AMHR2: variants seen among roughly 807,000 people sequenced by gnomAD.
AMHR2 encodes the protein anti-Mullerian hormone receptor type 2, also known as anti-Muellerian hormone type-2 receptor.
In AMHR2, 36 loss-of-function variants were observed where a neutral mutation model predicts 61.4. The ratio of observed to expected loss-of-function variants is 0.59; its 90% confidence interval spans 0.45 to 0.77. The LOEUF (loss-of-function observed/expected upper bound fraction) is 0.77. Ranked by LOEUF, AMHR2 falls within the 30% of genes least tolerant of loss-of-function variation. The pLI, the probability that AMHR2 is intolerant of heterozygous loss-of-function variation, is 0.00. For missense variants in AMHR2, 638 were observed against 714.6 expected, an observed-to-expected ratio of 0.89 and a Z score of 1.22; for synonymous variants, 258 against 279.4, an observed-to-expected ratio of 0.92 and a Z score of 0.76.
chr12:53,430,958 G>A, intron 10 of AMHR2: 1 of 611,996 alleles, frequency 1.6e-6, no homozygotes, highest in Non-Finnish European at 2.9e-6. Flanking sequence ...GCTCCTCAGA[G>A]GAAACAGTGG....
At chr12:53,424,231 T>C in intron 1 of AMHR2, 57 bp from the exon 2 acceptor site, 1 of 1,605,932 alleles carries the variant, frequency 6.2e-7, no homozygotes. Context: ...GGCCAGTTTT[T>C]TGCCTCTGCA....
intron 6 of AMHR2, among the ~76,000 whole-genome samples, chr12:53,428,019 A>G (rs2136959882): frequency 6.6e-6 from 1 of 152,204 alleles, no homozygotes; most frequent in East Asian, 1.9e-4. Context: ...CAGCTTCTGT[A>G]CTTCTGAAAT....
intron 7 of AMHR2, 122 bp downstream of exon 7, chr12:53,429,132 C>A: frequency 4.2e-6 from 4 of 953,692 alleles, no homozygotes; most frequent in Non-Finnish European, 6.5e-6. Flanking sequence ...GTGGCTCACG[C>A]CTATAATCCC....
rs953064877 is a variant in AMHR2, at chr12:53,424,160, T to A, written c.50-128T>A. The A allele has an allele frequency of 2.9e-6, 4 of 1,397,832 alleles. No homozygotes were observed. In the African/African-American group the frequency reaches 5.7e-5, roughly 20 times the overall value. The allele number at this position is 1,397,832 out of a possible 1,614,324, so 86.6% of individuals were successfully genotyped here. On this transcript the variant is annotated intron_variant, in intron 1 of 10. Transcript: ENST00000257863. ...GGTTCCAGGCCTCTGCTGACCCTGC[T>A]TCCTCCTGTGGCTTTACCATACTGA... is the stretch of plus-strand genomic sequence containing the variant.
At position 53,424,430 on chromosome 12, in the gene AMHR2, C is replaced by A. The variant is rs775044998; in HGVS notation, c.192C>A (p.Ile64=). 3 of 1,613,566 alleles carry A rather than the reference C, an allele frequency of 1.9e-6. No homozygotes were observed. The Admixed American group carries it at 5.0e-5, about 27-fold the overall frequency. ...RCLYSRCCFG[I]WNLTQDRAQV... ...TCTACAGCCGCTGCTGCTTTGGGAT[C>A]TGGAACCTGACCCAAGACCGGGCAC... is the stretch of plus-strand genomic sequence containing the variant. Residue 64 remains isoleucine (I), a synonymous_variant, in exon 2 of 11, where the codon ATC becomes ATA. Coordinates refer to ENST00000257863, the MANE Select transcript of AMHR2 (RefSeq NM_020547.3).
At position 53,431,412 on chromosome 12, in the gene AMHR2, G is replaced by C. The variant is rs1171941580; in HGVS notation, c.1661G>C (p.Ser554Thr). 1 of 1,614,250 alleles carries C rather than the reference G, an allele frequency of 6.2e-7. No individual in the cohort carries two copies. Residue 554 changes from serine (S) to threonine (T), a missense_variant, in exon 11 of 11, where the codon AGC (serine) becomes ACC (threonine). Coordinates refer to ENST00000257863, the MANE Select transcript of AMHR2 (RefSeq NM_020547.3). ...CRPQRSACHF[S>T]VQQGPCSRNP... ...CCTCAGCGGAGTGCCTGCCACTTCAGCGTTCAGCAAGGCCCTTGTTCCAGG... is the reference window on the plus strand; with the variant it reads ...CCTCAGCGGAGTGCCTGCCACTTCACCGTTCAGCAAGGCCCTTGTTCCAGG...
At position 53,424,713 on chromosome 12, in the gene AMHR2, C is replaced by A. The variant is rs771456549; in HGVS notation, c.237C>A (p.Cys79Ter). 2.5e-6 allele frequency: 4 copies of A among 1,613,632 alleles called. No individual in the cohort carries two copies. Among genetic ancestry groups the A allele is most frequent in the Middle Eastern group, 1.7e-4 (1 of 6,060 alleles). Residue 79 changes from cysteine (C) to a stop codon, truncating the protein, a stop_gained, in exon 3 of 11, where the codon TGC (cysteine) becomes TGA (stop). Coordinates refer to ENST00000257863, the MANE Select transcript of AMHR2 (RefSeq NM_020547.3). LOFTEE classifies it high-confidence loss of function. Reference sequence around the variant, plus strand: ...CCCCTAATCCCATCCCATCAGGATGCCGAGACAGTGATGAGCCAGGCTGTG... The same window carrying A: ...CCCCTAATCCCATCCCATCAGGATGACGAGACAGTGATGAGCCAGGCTGTG... ...QDRAQVEMQGCRDSDEPGCES... is the reference protein window; with the variant it reads ...QDRAQVEMQG
Position 53,431,069 on chromosome 12 carries a change from G to T in AMHR2, c.1426-108G>T, listed in dbSNP as rs769327764. ...AGGAGGGAGGCTCCAGGAAAGATCA[G>T]AAGTGGATGTTGAAAGCAGGAGAGT... On this transcript the variant is annotated intron_variant, in intron 10 of 10. Transcript: ENST00000257863. The T allele has an allele frequency of 1.8e-5, 25 of 1,362,718 alleles. No homozygotes were observed. In the Admixed American group the frequency reaches 2.5e-4, roughly 14 times the overall value. The allele number at this position is 1,362,718 out of a possible 1,614,324, so 84.4% of individuals were successfully genotyped here. A position where few individuals can be genotyped will look rare whatever the true frequency, so the allele number is the denominator to read the frequency against.
intron 6 of AMHR2, 141 bp downstream of exon 6, chr12:53,426,060 G>T: frequency 1.0e-6 from 1 of 966,088 alleles, no homozygotes; most frequent in Non-Finnish European, 1.6e-6. Flanking sequence ...GCCAGGCGAG[G>T]TGGCCCACAC....
Position 53,429,837 on chromosome 12 carries a change from A to T in AMHR2, c.1147A>T (p.Thr383Ser). The change falls in exon 9 of 11, where the codon ACC becomes TCC. Residue 383 changes from threonine (T) to serine (S), a missense_variant. Transcript: ENST00000257863. ...TTCGTGCCTTGCTCTCCAGGCTGGC[A>T]CCCAGAGGTACATGGCACCAGAGCT... ...QGPAAIMEAGTQRYMAPELLD... is the reference protein window; with the variant it reads ...QGPAAIMEAGSQRYMAPELLD... The T allele has an allele frequency of 6.2e-7, 1 of 1,614,120 alleles. No individual in the cohort carries two copies. The highest frequency in any genetic ancestry group is 2.2e-5 in the East Asian group (1 of 44,880).
At chr12:53,426,646 C>CT (rs1326806447) in intron 6 of AMHR2, among the ~76,000 whole-genome samples, 1 of 151,750 alleles carries the variant, frequency 6.6e-6, no homozygotes, top group Non-Finnish European at 1.5e-5. Flanking sequence ...TTTTATTTAT[C>CT]TTTTTTATTA....
In AMHR2 at chr12:53,424,863, T is replaced by G; in HGVS notation, c.387T>G (p.Pro129=). The change falls in exon 3 of 11, where the codon CCT becomes CCG. Residue 129 remains proline (P), a synonymous_variant. Transcript: ENST00000257863. Reference sequence around the variant, plus strand: ...GCCATCTGCCTCCTCCAGGGAGCCCTGGGACTCCTGGCTCCCAGGGTCCCC... The same window carrying G: ...GCCATCTGCCTCCTCCAGGGAGCCCGGGGACTCCTGGCTCCCAGGGTCCCC... ...NYSHLPPPGS[P]GTPGSQGPQA... 5 of 1,613,376 alleles carry G rather than the reference T, an allele frequency of 3.1e-6. No homozygotes were observed. The highest frequency in any genetic ancestry group is 4.2e-6 in the Non-Finnish European group (5 of 1,179,964).
Position 53,431,655 on chromosome 12 carries a change from G to A in AMHR2, c.*182G>A. The stretch of plus-strand genomic sequence containing the variant: ...AGGTGTGCACAGGAAAGAGAATAAA[G>A]TCAGCTTTCCTGATGCATATCCTTG... On this transcript the variant is annotated 3_prime_UTR_variant, in exon 11 of 11. Coordinates refer to ENST00000257863, the MANE Select transcript of AMHR2 (RefSeq NM_020547.3). 1 of 740,774 alleles carries A rather than the reference G, an allele frequency of 1.3e-6. No homozygotes were observed. 45.9% of individuals were successfully genotyped at this position (740,774 alleles called of 1,614,324 possible).
Position 53,424,860 on chromosome 12 carries a change from C to A in AMHR2, c.384C>A (p.Ser128Arg), listed in dbSNP as rs1184084081. The change falls in exon 3 of 11, where the codon AGC (serine) becomes AGA (arginine). Residue 128 changes from serine to arginine, a missense_variant. Transcript: ENST00000257863. ...ANYSHLPPPG[S>R]PGTPGSQGPQ... ...ACAGCCATCTGCCTCCTCCAGGGAG[C>A]CCTGGGACTCCTGGCTCCCAGGGTC... The A allele has an allele frequency of 2.5e-6, 4 of 1,613,400 alleles. No individual in the cohort carries two copies. The highest frequency in any genetic ancestry group is 2.5e-6 in the Non-Finnish European group (3 of 1,179,994).
In AMHR2 at chr12:53,429,930, G is replaced by A. The variant is rs752784039; in HGVS notation, c.1240G>A (p.Ala414Thr). The A allele has an allele frequency of 6.2e-7, 1 of 1,614,184 alleles. No homozygotes were observed. The highest frequency in any genetic ancestry group is 8.5e-7 in the Non-Finnish European group (1 of 1,180,040). ...ALRRADIYSL[A>T]LLLWEILSRC... ...CCGACGAGCTGATATTTACTCTTTG[G>A]CTCTGCTCCTGTGGGAGATACTGAG... Residue 414 changes from alanine (A) to threonine (T), a missense_variant, in exon 9 of 11, where the codon GCT (alanine) becomes ACT (threonine). By Grantham distance (58) the Ala-to-Thr change is moderately conservative (BLOSUM62 0). Transcript: ENST00000257863.
intron 8 of AMHR2, 39 bp downstream of exon 8, chr12:53,429,664 T>C (rs764787738): frequency 5.6e-6 from 9 of 1,610,260 alleles, no homozygotes; most frequent in Middle Eastern, 1.7e-4. Flanking sequence ...CAGGATGATG[T>C]TGGTGCTGCT....
Position 53,429,013 on chromosome 12 carries a change from G to A in AMHR2, c.967+3G>A, listed in dbSNP as rs531834235. On this transcript the variant is annotated splice_donor_region_variant and intron_variant, in intron 7 of 10. Coordinates refer to ENST00000257863, the MANE Select transcript of AMHR2 (RefSeq NM_020547.3). ...CCATGAGGAGCGCTGGCAGAATGGT[G>A]GGTGAGCTGGGCATAGGAAGTCAAG... 2.6e-6 allele frequency: 4 copies of A among 1,549,188 alleles called. No homozygotes were observed. The highest frequency in any genetic ancestry group is 1.7e-4 in the Middle Eastern group (1 of 5,820).
chr12:53,424,762 C>G lies in AMHR2; in HGVS notation c.286C>G (p.Pro96Ala). ...TGAGTCCCTCCACTGTGACCCAAGT[C>G]CCCGAGCCCACCCCAGCCCTGGCTC... ...GCESLHCDPS[P>A]RAHPSPGSTL... The change falls in exon 3 of 11, where the codon CCC becomes GCC. Residue 96 changes from proline (P) to alanine (A), a missense_variant. Pro to Ala is a conservative substitution (Grantham distance 27). Transcript: ENST00000257863. 6.2e-7 allele frequency: 1 copy of G among 1,613,858 alleles called. No homozygotes were observed. Among genetic ancestry groups the G allele is most frequent in the Non-Finnish European group, 8.5e-7 (1 of 1,179,892 alleles).
intron 6 of AMHR2, among the ~76,000 whole-genome samples, chr12:53,427,510 A>G (rs951949782): frequency 7.9e-5 from 12 of 152,068 alleles, no homozygotes; most frequent in African/African-American, 2.9e-4. Context: ...GTTTCAAGCA[A>G]TTCTGCCTCA....
Sources: gnomAD v4.1 joint callset for allele counts (sites outside exome capture counted in the v4.1 genomes callset) on GRCh38, gnomAD v4.1.1 for gene constraint, MANE v1.5 for transcripts, NCBI Gene and HGNC (gene_info 2026-07-23, HGNC 2026-07-21) for gene names.